GNAI2: variants seen among roughly 807,000 people sequenced by gnomAD.
The protein encoded by GNAI2 is guanine nucleotide-binding protein G(i) subunit alpha-2.
Under a neutral mutation model 36.8 loss-of-function variants are expected in GNAI2, and 4 were observed. The observed-to-expected ratio is 0.11, with a 90% CI of 0.05 to 0.25. The LOEUF is 0.25. GNAI2 is among the 10% of genes least tolerant of loss of function. GNAI2 has a pLI of 1.00. For synonymous variants in GNAI2, 194 were observed against 194.1 expected (o/e 1.00, Z 0.01); for missense variants, 230 against 481.3 (o/e 0.48, Z 4.89).
chr3:50,251,421 G>A, intron 1 of GNAI2: 2 of 1,041,556 alleles, frequency 1.9e-6, no homozygotes, highest in Non-Finnish European at 2.3e-6. Context: ...GTATGGGCGT[G>A]TGTGGGTGTG....
chr3:50,258,007 A>C, intron 8 of GNAI2: 1 of 282,454 alleles, frequency 3.5e-6, no homozygotes, highest in Admixed American at 5.0e-5. Context: ...GAGAAATCTC[A>C]CCTCCTCACC....
chr3:50,252,236 C>A lies in GNAI2; in HGVS notation c.161+94C>A. 7.0e-7 allele frequency: 1 copy of A among 1,437,494 alleles called. No individual in the cohort carries two copies. The highest frequency in any genetic ancestry group is 1.4e-5 in the African/African-American group (1 of 71,674). 89.0% of individuals were successfully genotyped at this position (1,437,494 alleles called of 1,614,324 possible). On this transcript the variant is annotated intron_variant, in intron 2 of 8. Transcript: ENST00000313601. The surrounding 1 kb of genome is among the most constrained non-coding windows in gnomAD (Gnocchi z 4.1). ...GCCCCCGACTACAGGCCCAGCCAGTCTTAGCCAGGCCCAGAATCTTCTGAG... is the reference window on the plus strand; with the variant it reads ...GCCCCCGACTACAGGCCCAGCCAGTATTAGCCAGGCCCAGAATCTTCTGAG...
At chr3:50,230,779 G>A in exon 1 of GNAI2, 1 of 984,420 alleles carries the variant, frequency 1.0e-6, no homozygotes, top group Non-Finnish European at 1.2e-6. Context: ...AGTCCAAGCG[G>A]TGCTGGGCCT....
At position 50,259,051 on chromosome 3, in the gene GNAI2, G is replaced by A. The variant is rs1245948025; in HGVS notation, c.*708G>A. ...GTTTACACCCGTCCCTCTGCTGGCC[G>A]CCCCCGTGCGAGCGGCACCCCTGCC... On this transcript the variant is annotated 3_prime_UTR_variant, in exon 9 of 9. Transcript: ENST00000313601. The A allele has an allele frequency of 4.5e-5, 18 of 400,522 alleles. No homozygotes were observed. Among genetic ancestry groups the A allele is most frequent in the East Asian group, 7.3e-5 (1 of 13,764 alleles). The allele number at this position is 400,522 out of a possible 1,614,324, so 24.8% of individuals were successfully genotyped here.
chr3:50,237,613 G>A (rs1042040042), intron 1 of GNAI2, among the ~76,000 whole-genome samples: 1 of 152,226 alleles, frequency 6.6e-6, no homozygotes, highest in South Asian at 2.1e-4. Context: ...GCTGAATGAG[G>A]AGTTGAGGGG....
upstream of GNAI2, among the ~76,000 whole-genome samples, chr3:50,228,618 A>G (rs1446198305): frequency 6.6e-6 from 1 of 151,326 alleles, no homozygotes; most frequent in Non-Finnish European, 1.5e-5. Flanking sequence ...TGTTTCCTTC[A>G]TACTTGGAAT....
rs1212531048 is a variant in GNAI2, at chr3:50,238,840, CTT to C, written c.118+2389_118+2390del. Among the ~76,000 whole-genome samples, 2 of 152,236 alleles carry C rather than the reference CTT, an allele frequency of 1.3e-5. No individual in the cohort carries two copies. Among genetic ancestry groups the C allele is most frequent in the African/African-American group, 2.4e-5 (1 of 41,454 alleles). On this transcript the variant is annotated intron_variant, in intron 1 of 8. Coordinates refer to ENST00000313601, the MANE Select transcript of GNAI2 (RefSeq NM_002070.4). This position sits in a 1 kb window ranked among gnomAD's most constrained non-coding sequence, Gnocchi z 5.0. ...GGCGCCTGTCCCATGTAGCGGGAGA[CTT>C]TGTCCAGGCAACGGGACTCAGGTTG... is the stretch of plus-strand genomic sequence containing the variant.
At chr3:50,229,957 CT>C (rs1208533731), upstream of GNAI2, 1 of 152,330 alleles carries the variant, frequency 6.6e-6, no homozygotes, top group East Asian at 1.9e-4. Context: ...CCTCTGGATC[CT>C]CCCGCACTGC....
intron 1 of GNAI2, among the ~76,000 whole-genome samples, chr3:50,240,194 AG>A: frequency 6.6e-6 from 1 of 152,230 alleles, no homozygotes; most frequent in Middle Eastern, 3.4e-3. Flanking sequence ...AGGAAGGGTT[AG>A]CTTGGGATTC....
rs1422888147 is a variant in GNAI2, at chr3:50,253,196, G to A, written c.464+12G>A. The A allele has an allele frequency of 1.2e-6, 2 of 1,602,130 alleles. No individual in the cohort carries two copies. Among genetic ancestry groups the A allele is most frequent in the Non-Finnish European group, 1.7e-6 (2 of 1,170,630 alleles). On this transcript the variant is annotated intron_variant, in intron 4 of 8. Coordinates refer to ENST00000313601, the MANE Select transcript of GNAI2 (RefSeq NM_002070.4). The surrounding 1 kb of genome is among the most constrained non-coding windows in gnomAD (Gnocchi z 4.2). Reference sequence around the variant, plus strand: ...GACTCAGCTGCCTAGTGAGTGCTCTGAGGGGCTGGGCAGGGCAGGGCAGGG... The same window carrying A: ...GACTCAGCTGCCTAGTGAGTGCTCTAAGGGGCTGGGCAGGGCAGGGCAGGG...
intron 1 of GNAI2, among the ~76,000 whole-genome samples, chr3:50,245,413 T>G (rs1297004935): frequency 1.3e-5 from 2 of 152,226 alleles, no homozygotes; most frequent in African/African-American, 4.8e-5. Context: ...AGGGCAGGCC[T>G]TGGGTTTGGC....
chr3:50,247,419 A>G (rs1553701876), intron 1 of GNAI2, among the ~76,000 whole-genome samples: 2 of 152,230 alleles, frequency 1.3e-5, no homozygotes, highest in Admixed American at 6.5e-5. Flanking sequence ...GGATAGTAGC[A>G]AGTCCCAGCC....
chr3:50,240,560 CAG>C (rs1204405240), intron 1 of GNAI2, among the ~76,000 whole-genome samples: 1 of 152,108 alleles, frequency 6.6e-6, no homozygotes, highest in Non-Finnish European at 1.5e-5. Context: ...AACCTGGGGG[CAG>C]AGTGCCTCCC....
At chr3:50,247,913 C>T (rs782556904) in intron 1 of GNAI2, among the ~76,000 whole-genome samples, 6 of 152,240 alleles carry the variant, frequency 3.9e-5, no homozygotes, top group Non-Finnish European at 7.3e-5. Flanking sequence ...TCTATTGCCT[C>T]AGTTCCCCTA....
At chr3:50,248,364 C>T (rs930627531) in intron 1 of GNAI2, among the ~76,000 whole-genome samples, 2 of 152,170 alleles carry the variant, frequency 1.3e-5, no homozygotes, top group Non-Finnish European at 2.9e-5. Flanking sequence ...AGGGGGCATC[C>T]CTCAGGTCCT....
chr3:50,244,204 T>C (rs934064386), intron 1 of GNAI2, among the ~76,000 whole-genome samples: 33 of 152,012 alleles, frequency 2.2e-4, no homozygotes, highest in Non-Finnish European at 1.6e-4. Flanking sequence ...AATTTTTGTA[T>C]TTTTAATAGA....
rs587672894 is a variant in GNAI2, at chr3:50,253,520, G to A, written c.464+336G>A. Among the ~76,000 whole-genome samples, 6 of 152,274 alleles carry A rather than the reference G, an allele frequency of 3.9e-5. No individual in the cohort carries two copies. In the South Asian group the frequency reaches 8.3e-4, roughly 21 times the overall value. ...AGCACTTTGGGAGGCTGAGACAGGC[G>A]GGTCGTGAGATCAGGAGATCGAGAC... On this transcript the variant is annotated intron_variant, in intron 4 of 8. Coordinates refer to ENST00000313601, the MANE Select transcript of GNAI2 (RefSeq NM_002070.4). This position sits in a 1 kb window ranked among gnomAD's most constrained non-coding sequence, Gnocchi z 4.2.
chr3:50,236,595 ACT>A lies in GNAI2; in HGVS notation c.118+145_118+146del. 1 of 1,197,968 alleles carries A rather than the reference ACT, an allele frequency of 8.3e-7. No individual in the cohort carries two copies. The highest frequency in any genetic ancestry group is 1.6e-5 in the South Asian group (1 of 61,144). The allele number at this position is 1,197,968 out of a possible 1,614,324, so 74.2% of individuals were successfully genotyped here. The stretch of plus-strand genomic sequence containing the variant: ...ACCTGGGCCAGGACCAGGGTTGAAA[ACT>A]CTAGATTGGACTAGACCTTTGATCC... On this transcript the variant is annotated intron_variant, in intron 1 of 8. Transcript: ENST00000313601. This position sits in a 1 kb window ranked among gnomAD's most constrained non-coding sequence, Gnocchi z 4.0.
At position 50,258,746 on chromosome 3, in the gene GNAI2, A is replaced by G. The variant is rs1248138889; in HGVS notation, c.*403A>G. 1 of 360,476 alleles carries G rather than the reference A, an allele frequency of 2.8e-6. No homozygotes were observed. 22.3% of individuals were successfully genotyped at this position (360,476 alleles called of 1,614,324 possible). On this transcript the variant is annotated 3_prime_UTR_variant, in exon 9 of 9. Coordinates refer to ENST00000313601, the MANE Select transcript of GNAI2 (RefSeq NM_002070.4). Reference sequence around the variant, plus strand: ...CAGCCCCTGCCCCAGCCCAAGTCCAAATGTTTACAGGGAGCCTCCTGCCCA... The same window carrying G: ...CAGCCCCTGCCCCAGCCCAAGTCCAGATGTTTACAGGGAGCCTCCTGCCCA...
Sources: allele counts gnomAD v4.1 joint callset (sites outside exome capture counted in the v4.1 genomes callset), GRCh38; gene constraint gnomAD v4.1.1; non-coding constraint Gnocchi (gnomAD v3.1); transcripts MANE v1.5; gene names NCBI Gene and HGNC (gene_info 2026-07-23, HGNC 2026-07-21).